The following BLTP3A variants were observed in gnomAD, a reference collection of about 807,000 sequenced individuals.
BLTP3A encodes ICBP90 binding protein 1.
At chr6:34,812,372 A>G in the BLTP3A span, among the ~76,000 whole-genome samples, 1 of 151,612 alleles carries the variant, frequency 6.6e-6, no homozygotes, top group Non-Finnish European at 1.5e-5. Flanking sequence ...TGGAAATTGC[A>G]CCTTAAATAA....
At chr6:34,803,247 G>A in the BLTP3A span, among the ~76,000 whole-genome samples, 1 of 151,670 alleles carries the variant, frequency 6.6e-6, no homozygotes, top group Non-Finnish European at 1.5e-5. Flanking sequence ...AAAAAAAAAG[G>A]AATTGAGTTG....
At chr6:34,857,179 G>C in the BLTP3A span, 1 of 1,067,920 alleles carries the variant, frequency 9.4e-7, no homozygotes, top group Admixed American at 2.7e-5. Flanking sequence ...TGCGAGGCAG[G>C]TGTGAGAACA....
the BLTP3A span, among the ~76,000 whole-genome samples, chr6:34,828,888 G>C: frequency 6.6e-6 from 1 of 151,620 alleles, no homozygotes; most frequent in African/African-American, 2.4e-5. Context: ...TTAGCCAGGC[G>C]TGGTGGCGCA....
chr6:34,834,478 T>C, the BLTP3A span: 1 of 1,569,344 alleles, frequency 6.4e-7, no homozygotes, highest in Non-Finnish European at 8.7e-7. Flanking sequence ...TAAAGGATAT[T>C]ATTCCCATTT....
chr6:34,835,354 G>C, the BLTP3A span: 1 of 1,614,010 alleles, frequency 6.2e-7, no homozygotes, highest in African/African-American at 1.3e-5. Context: ...CCTGCTCTGG[G>C]TGCTGACTGA....
the BLTP3A span, chr6:34,821,552 T>C: frequency 8.5e-7 from 1 of 1,181,020 alleles, no homozygotes; most frequent in Non-Finnish European, 1.2e-6. Context: ...ACAAATGTTC[T>C]TTAATTTTTT....
chr6:34,802,654 C>T, the BLTP3A span, among the ~76,000 whole-genome samples: 1 of 152,166 alleles, frequency 6.6e-6, no homozygotes, highest in Non-Finnish European at 1.5e-5. Flanking sequence ...AGCCACCCTG[C>T]CCAGCCTGTC....
At chr6:34,821,245 T>C in the BLTP3A span, among the ~76,000 whole-genome samples, 6 of 152,124 alleles carry the variant, frequency 3.9e-5, no homozygotes, top group Admixed American at 1.3e-4. Flanking sequence ...CGTGAGCCAC[T>C]GCGCCCGGCT....
chr6:34,844,295 A>G, the BLTP3A span, among the ~76,000 whole-genome samples: 1 of 151,696 alleles, frequency 6.6e-6, no homozygotes, highest in East Asian at 1.9e-4. Flanking sequence ...TTTGTTTTTG[A>G]GACAGAGTCT....
the BLTP3A span, among the ~76,000 whole-genome samples, chr6:34,814,378 A>G: frequency 6.6e-6 from 1 of 152,182 alleles, no homozygotes; most frequent in Non-Finnish European, 1.5e-5. Flanking sequence ...AATCAGTTAA[A>G]GAATTCTTAC....
the BLTP3A span, among the ~76,000 whole-genome samples, chr6:34,797,415 A>G: frequency 1.3e-5 from 2 of 152,160 alleles, no homozygotes; most frequent in African/African-American, 4.8e-5. Flanking sequence ...GACTGCCTCC[A>G]CTCATCATCT....
At chr6:34,817,014 A>C in the BLTP3A span, among the ~76,000 whole-genome samples, 1 of 152,234 alleles carries the variant, frequency 6.6e-6, no homozygotes, top group Non-Finnish European at 1.5e-5. Context: ...AAGAGACTTG[A>C]AAAAGAATTT....
At chr6:34,801,435 A>G in the BLTP3A span, among the ~76,000 whole-genome samples, 1 of 152,002 alleles carries the variant, frequency 6.6e-6, no homozygotes, top group Non-Finnish European at 1.5e-5. Flanking sequence ...TTTTTTTCCT[A>G]TTCCTTGGAG....
At chr6:34,864,521 T>C in the BLTP3A span, among the ~76,000 whole-genome samples, 1 of 107,738 alleles carries the variant, frequency 9.3e-6, no homozygotes, top group Admixed American at 9.8e-5. Context: ...GTGCTTATAG[T>C]CTTTTTTTTT....
chr6:34,804,501 A>T, the BLTP3A span, among the ~76,000 whole-genome samples: 359 of 152,168 alleles, frequency 2.4e-3, no homozygotes, highest in African/African-American at 7.8e-3. Flanking sequence ...AGTGGCACAG[A>T]TGGGAAGAAA....
At chr6:34,821,038 C>T in the BLTP3A span, among the ~76,000 whole-genome samples, 14 of 150,432 alleles carry the variant, frequency 9.3e-5, no homozygotes, top group Non-Finnish European at 2.1e-4. Flanking sequence ...CTCACTGCAA[C>T]CTCCGCCTCC....
chr6:34,814,509 C>A, the BLTP3A span, among the ~76,000 whole-genome samples: 1 of 152,300 alleles, frequency 6.6e-6, no homozygotes, highest in Admixed American at 6.5e-5. Flanking sequence ...GAGGACCGCT[C>A]ATGGTGGTCC....
the BLTP3A span, among the ~76,000 whole-genome samples, chr6:34,841,775 T>C: frequency 6.6e-6 from 1 of 152,132 alleles, no homozygotes; most frequent in African/African-American, 2.4e-5. Context: ...ATGGCAAAGA[T>C]AGAAATAAGG....
At chr6:34,854,146 C>T in the BLTP3A span, among the ~76,000 whole-genome samples, 1 of 152,078 alleles carries the variant, frequency 6.6e-6, no homozygotes, top group Non-Finnish European at 1.5e-5. Context: ...CACTTGACCC[C>T]AGGAAGCAGA....
Sources: gnomAD v4.1 joint callset for allele counts (sites outside exome capture counted in the v4.1 genomes callset) on GRCh38, gnomAD v4.1.1 for gene constraint, MANE v1.5 for transcripts, NCBI Gene and HGNC (gene_info 2026-07-23, HGNC 2026-07-21) for gene names.